PLPP4: variants seen among roughly 807,000 people sequenced by gnomAD.
PLPP4 encodes diacylglycerol pyrophosphate like 2.
A neutral mutation model predicts 32.2 loss-of-function variants in PLPP4; 20 were observed. The ratio of observed to expected loss-of-function variants is 0.62; its 90% CI spans 0.44 to 0.90. The LOEUF is 0.90. Ranked by LOEUF, PLPP4 falls within the 40% of genes least tolerant of loss-of-function variation. The pLI is 0.00. For synonymous variants in PLPP4, 127 were observed against 133.0 expected (o/e 0.95, Z 0.31); for missense variants, 257 against 353.1 (o/e 0.73, Z 2.18).
chr10:120,589,380 A>G lies in PLPP4; in HGVS notation c.694A>G (p.Thr232Ala), dbSNP rs1849913251. 1 of 1,614,112 alleles carries G rather than the reference A, an allele frequency of 6.2e-7. No individual in the cohort carries two copies. Among genetic ancestry groups the G allele is most frequent in the African/African-American group, 1.3e-5 (1 of 75,024 alleles). The change falls in exon 7 of 7, where the codon ACA becomes GCA. Residue 232 changes from threonine to alanine, a missense_variant. Coordinates refer to ENST00000398250, the MANE Select transcript of PLPP4 (RefSeq NM_001030059.3). ...ACAGCACTATCCTCCTCTGGCCAAC[A>G]CAGCTTGCCATAAACCCTACGTTAG... ...YRQHYPPLAN[T>A]ACHKPYVSLR...
At chr10:120,576,479 A>G (rs1849229699) in intron 6 of PLPP4, among the ~76,000 whole-genome samples, 1 of 152,082 alleles carries the variant, frequency 6.6e-6, no homozygotes, top group African/African-American at 2.4e-5. Flanking sequence ...CTCCTTCCTC[A>G]TCTTCTCTGG....
At chr10:120,470,841 G>A (rs1284344239) in intron 1 of PLPP4, among the ~76,000 whole-genome samples, 1 of 152,190 alleles carries the variant, frequency 6.6e-6, no homozygotes. Context: ...AGGCTCTAGT[G>A]CCAGGATACC....
intron 1 of PLPP4, among the ~76,000 whole-genome samples, chr10:120,495,533 G>T (rs2133847803): frequency 6.6e-6 from 1 of 152,280 alleles, no homozygotes; most frequent in South Asian, 2.1e-4. Flanking sequence ...GAGAGAGGCT[G>T]ACTAGGGAGG....
At chr10:120,515,278 T>A (rs1845890892) in intron 3 of PLPP4, among the ~76,000 whole-genome samples, 1 of 152,176 alleles carries the variant, frequency 6.6e-6, no homozygotes, top group South Asian at 2.1e-4. Flanking sequence ...AGGGGAGACC[T>A]CCCTCTTGGC....
chr10:120,555,409 AC>A (rs1227903013), intron 5 of PLPP4, among the ~76,000 whole-genome samples: 2 of 152,074 alleles, frequency 1.3e-5, no homozygotes, highest in African/African-American at 4.8e-5. Flanking sequence ...GATAAAAAGG[AC>A]TTTATTTGGT....
intron 6 of PLPP4, chr10:120,587,535 G>C (rs1849817722): frequency 6.6e-6 from 1 of 152,140 alleles, no homozygotes; most frequent in Admixed American, 6.5e-5. Flanking sequence ...ATTCATTATA[G>C]AACTTTTCAT....
intron 1 of PLPP4, among the ~76,000 whole-genome samples, chr10:120,494,277 T>G (rs1564794166): frequency 6.6e-6 from 1 of 152,230 alleles, no homozygotes; most frequent in Non-Finnish European, 1.5e-5. Context: ...ATTAATTCAT[T>G]TAATCCTTAC....
chr10:120,560,586 C>T (rs1848387475), intron 5 of PLPP4, among the ~76,000 whole-genome samples: 1 of 152,098 alleles, frequency 6.6e-6, no homozygotes, highest in African/African-American at 2.4e-5. Flanking sequence ...GAAACCCCAT[C>T]TCTCCTAAAA....
At chr10:120,458,788 A>G (rs1274044501) in intron 1 of PLPP4, among the ~76,000 whole-genome samples, 1 of 152,218 alleles carries the variant, frequency 6.6e-6, no homozygotes, top group Non-Finnish European at 1.5e-5. Flanking sequence ...AAAACTAATG[A>G]TTGCTGTGTG....
intron 6 of PLPP4, among the ~76,000 whole-genome samples, chr10:120,586,299 ATT>A (rs3067612): frequency 0.052 from 7,184 of 137,512 alleles, 272 homozygotes; most frequent in Middle Eastern, 0.14. Flanking sequence ...ACACCTGGCT[ATT>A]TTTTTTTTTT....
chr10:120,552,169 T>G lies in PLPP4; in HGVS notation c.446-22962T>G, dbSNP rs1336027149. On this transcript the variant is annotated intron_variant, in intron 5 of 6. Coordinates refer to ENST00000398250, the MANE Select transcript of PLPP4 (RefSeq NM_001030059.3). ...TTGTGTTGTTAGTGGTGGTGGGGTG[T>G]GTGTGTGTGTGTGTGTGTGTGTGTG... Among the ~76,000 whole-genome samples the G allele has an allele frequency of 3.8e-5, 3 of 77,962 alleles. No homozygotes were observed. In the South Asian group the frequency reaches 1.1e-3, roughly 29 times the overall value. The allele number at this position is 77,962 out of a possible 152,430, so 51.1% of individuals were successfully genotyped here.
chr10:120,460,687 CT>C (rs1589701272), intron 1 of PLPP4, among the ~76,000 whole-genome samples: 1 of 152,180 alleles, frequency 6.6e-6, no homozygotes, highest in East Asian at 1.9e-4. Context: ...AATCTAGATG[CT>C]CCATCTGCAA....
At chr10:120,575,327 A>C in intron 6 of PLPP4, 26 bp downstream of exon 6, 1 of 1,605,252 alleles carries the variant, frequency 6.2e-7, no homozygotes, top group Non-Finnish European at 8.5e-7. Context: ...GGGCCTGACT[A>C]GTCCTCACTG....
At chr10:120,494,593 G>C (rs948952455) in intron 1 of PLPP4, among the ~76,000 whole-genome samples, 2 of 152,210 alleles carry the variant, frequency 1.3e-5, no homozygotes, top group Admixed American at 1.3e-4. Flanking sequence ...CCCAAGAGGG[G>C]GTGGTAATTC....
intron 5 of PLPP4, among the ~76,000 whole-genome samples, chr10:120,533,431 A>G (rs1652461678): frequency 1.3e-5 from 2 of 152,192 alleles, no homozygotes; most frequent in Non-Finnish European, 2.9e-5. Context: ...ATTCTCAAAT[A>G]TATGACTTGC....
intron 1 of PLPP4, among the ~76,000 whole-genome samples, chr10:120,500,293 G>T (rs1199404386): frequency 6.6e-6 from 1 of 152,180 alleles, no homozygotes; most frequent in Non-Finnish European, 1.5e-5. Context: ...CCTGTGGCCG[G>T]TTGTGTGAGA....
chr10:120,495,319 A>C (rs1170470500), intron 1 of PLPP4, among the ~76,000 whole-genome samples: 1 of 152,182 alleles, frequency 6.6e-6, no homozygotes, highest in Non-Finnish European at 1.5e-5. Flanking sequence ...ATTCAGAGTA[A>C]AGACCTGTCT....
chr10:120,521,039 G>C lies in PLPP4; in HGVS notation c.389G>C (p.Gly130Ala), dbSNP rs1303568016. 1 of 1,614,036 alleles carries C rather than the reference G, an allele frequency of 6.2e-7. No individual in the cohort carries two copies. Residue 130 changes from glycine to alanine, a missense_variant, in exon 5 of 7, where the codon GGT becomes GCT. Physicochemically the swap from Gly to Ala is moderately conservative, Grantham distance 60 (BLOSUM62 0). Transcript: ENST00000398250. ...ATGAACTCGGAAATGCATTGCACAG[G>C]TGACCCCGATCTGGTGTCCGAGGGC... ...GVMNSEMHCT[G>A]DPDLVSEGRK...
At chr10:120,490,262 C>T (rs1470589643) in intron 1 of PLPP4, among the ~76,000 whole-genome samples, 1 of 152,232 alleles carries the variant, frequency 6.6e-6, no homozygotes, top group Non-Finnish European at 1.5e-5. Flanking sequence ...AAGACCAGTT[C>T]TATAGGCCAC....
Sources: allele counts gnomAD v4.1 joint callset (sites outside exome capture counted in the v4.1 genomes callset), GRCh38; gene constraint gnomAD v4.1.1; transcripts MANE v1.5; gene names NCBI Gene and HGNC (gene_info 2026-07-23, HGNC 2026-07-21).